TCF12: variants seen among roughly 807,000 people sequenced by gnomAD.
TCF12 encodes the protein transcription factor 12.
A neutral mutation model predicts 86.0 loss-of-function variants in TCF12; 45 were observed. The observed-to-expected ratio is 0.52, with a 90% CI of 0.41 to 0.67. TCF12 has a LOEUF of 0.67. Among genes scored for constraint, TCF12 ranks in the 30% least tolerant of loss-of-function variants. The pLI is 0.00. For missense variants in TCF12, 881 were observed against 859.9 expected, an observed-to-expected ratio of 1.02 and a Z score of -0.31; for synonymous variants, 330 against 299.6, an observed-to-expected ratio of 1.10 and a Z score of -1.05.
At chr15:57,009,243 G>C (rs535484698) in intron 3 of TCF12, among the ~76,000 whole-genome samples, 1 of 152,036 alleles carries the variant, frequency 6.6e-6, no homozygotes, top group African/African-American at 2.4e-5. Context: ...CAAGTAGCTG[G>C]GAGGACTACA....
chr15:57,003,825 A>G (rs2064189671), intron 3 of TCF12, among the ~76,000 whole-genome samples: 1 of 152,214 alleles, frequency 6.6e-6, no homozygotes, highest in Non-Finnish European at 1.5e-5. Flanking sequence ...CTGAAGAAGG[A>G]AGCTAGTGTT....
chr15:57,113,694 C>T (rs530615979), intron 5 of TCF12, among the ~76,000 whole-genome samples: 11 of 150,154 alleles, frequency 7.3e-5, no homozygotes, highest in African/African-American at 2.7e-4. Flanking sequence ...AATTCCAGCA[C>T]TTTGGGAGGA....
At chr15:57,221,664 G>C (rs1368083662) in intron 8 of TCF12, among the ~76,000 whole-genome samples, 1 of 151,958 alleles carries the variant, frequency 6.6e-6, no homozygotes, top group Non-Finnish European at 1.5e-5. Context: ...TGACTTTTAT[G>C]TTCTGGAAAA....
intron 8 of TCF12, among the ~76,000 whole-genome samples, chr15:57,213,257 C>G (rs1209054324): frequency 2.0e-5 from 3 of 152,192 alleles, no homozygotes; most frequent in African/African-American, 7.2e-5. Context: ...TAAGAATGGT[C>G]ACCAGAATTT....
At chr15:57,183,672 A>G (rs1262358614) in intron 6 of TCF12, among the ~76,000 whole-genome samples, 4 of 4,388 alleles carry the variant, frequency 9.1e-4, no homozygotes, top group Non-Finnish European at 1.9e-3. Context: ...TAGTGAGTTA[A>G]TGGGGAAAGA....
chr15:57,161,929 A>G (rs1449167929), intron 5 of TCF12, among the ~76,000 whole-genome samples: 1 of 152,228 alleles, frequency 6.6e-6, no homozygotes, highest in Non-Finnish European at 1.5e-5. Flanking sequence ...TTTGATGATT[A>G]CGTGTCATTG....
At chr15:56,938,087 G>A (rs1272112112) in intron 3 of TCF12, among the ~76,000 whole-genome samples, 2 of 94,166 alleles carry the variant, frequency 2.1e-5, no homozygotes, top group African/African-American at 8.7e-5. Flanking sequence ...ATTTTGTTAC[G>A]GATTTTTTGC....
intron 3 of TCF12, among the ~76,000 whole-genome samples, chr15:56,979,706 T>G (rs1434069430): frequency 2.0e-5 from 3 of 152,192 alleles, no homozygotes; most frequent in Admixed American, 2.0e-4. Context: ...AAATTACAGA[T>G]TTCTACCTTG....
At chr15:56,988,287 C>T (rs568320556) in intron 3 of TCF12, among the ~76,000 whole-genome samples, 40 of 152,072 alleles carry the variant, frequency 2.6e-4, no homozygotes, top group Admixed American at 2.0e-3. Context: ...GGGTATATAG[C>T]CTACTATACA....
chr15:57,203,802 C>T (rs1243503424), intron 8 of TCF12, among the ~76,000 whole-genome samples: 1 of 152,150 alleles, frequency 6.6e-6, no homozygotes, highest in East Asian at 1.9e-4. Flanking sequence ...GCAGGAGGAT[C>T]ACTTGAGCCC....
At chr15:56,952,960 C>A (rs2061347994) in intron 3 of TCF12, among the ~76,000 whole-genome samples, 1 of 152,002 alleles carries the variant, frequency 6.6e-6, no homozygotes, top group South Asian at 2.1e-4. Flanking sequence ...TAGTCTTTTA[C>A]CTATGAGTAT....
Position 56,950,365 on chromosome 15 carries a change from G to A in TCF12, c.148+29267G>A, listed in dbSNP as rs143695384. On this transcript the variant is annotated intron_variant, in intron 3 of 20. Coordinates refer to ENST00000333725, the MANE Select transcript of TCF12 (RefSeq NM_207037.2). ...CTTAGCCTCCTGAGTAGCTGGGATT[G>A]CAGGTGCACGCCACCATGCCCAGTT... Among the ~76,000 whole-genome samples the A allele has an allele frequency of 1.0e-3, 154 of 151,878 alleles. 1 individual carries two copies. Among genetic ancestry groups the A allele is most frequent in the African/African-American group, 3.4e-3 (141 of 41,442 alleles).
intron 3 of TCF12, among the ~76,000 whole-genome samples, chr15:57,022,897 AC>A (rs754289623): frequency 2.6e-4 from 39 of 152,104 alleles, no homozygotes; most frequent in Non-Finnish European, 1.9e-4. Flanking sequence ...AAATAGTCAT[AC>A]CCTAATTTAA....
intron 3 of TCF12, among the ~76,000 whole-genome samples, chr15:56,948,758 T>C (rs761378919): frequency 2.3e-4 from 35 of 152,232 alleles, no homozygotes; most frequent in Admixed American, 1.1e-3. Context: ...TCAAAATGTA[T>C]TGCAAGCATT....
At chr15:57,192,466 G>A (rs1434466437) in intron 7 of TCF12, among the ~76,000 whole-genome samples, 173 bp downstream of exon 7, 1 of 151,148 alleles carries the variant, frequency 6.6e-6, no homozygotes, top group African/African-American at 2.4e-5. Context: ...TTGGCTTACC[G>A]CAGTCTCAAC....
At chr15:57,105,193 T>C (rs1056411552) in intron 5 of TCF12, among the ~76,000 whole-genome samples, 5 of 151,796 alleles carry the variant, frequency 3.3e-5, no homozygotes, top group Non-Finnish European at 7.4e-5. Flanking sequence ...GGTCTTTATC[T>C]TCCTAATGTG....
At chr15:57,221,405 T>TGTGTGTGTGTGTGC (rs1429669081) in intron 8 of TCF12, among the ~76,000 whole-genome samples, 1 of 151,714 alleles carries the variant, frequency 6.6e-6, no homozygotes, top group Non-Finnish European at 1.5e-5. Flanking sequence ...TGTGTGTGTG[T>TGTGTGTGTGTGTGC]GTGTGTGCAC....
At chr15:57,156,719 T>C (rs1329281819) in intron 5 of TCF12, among the ~76,000 whole-genome samples, 1 of 152,194 alleles carries the variant, frequency 6.6e-6, no homozygotes, top group African/African-American at 2.4e-5. Context: ...TCTGAACAAG[T>C]GGCATCTGCC....
At chr15:56,955,477 A>G (rs1289413778) in intron 3 of TCF12, among the ~76,000 whole-genome samples, 1 of 152,144 alleles carries the variant, frequency 6.6e-6, no homozygotes, top group African/African-American at 2.4e-5. Context: ...GGTGCAGCAA[A>G]CCAACATGAC....
Sources: gnomAD v4.1 joint callset for allele counts (sites outside exome capture counted in the v4.1 genomes callset) on GRCh38, gnomAD v4.1.1 for gene constraint, MANE v1.5 for transcripts, NCBI Gene and HGNC (gene_info 2026-07-23, HGNC 2026-07-21) for gene names.